Variants in CREB5 observed in about 807,000 individuals in gnomAD.
CREB5 encodes cAMP responsive element binding protein 5.
Under a neutral mutation model 57.1 loss-of-function variants are expected in CREB5, and 19 were observed. The observed-to-expected ratio is 0.33, with a 90% CI of 0.23 to 0.49. CREB5 has a LOEUF of 0.49. CREB5 is among the 20% of genes least tolerant of loss of function. CREB5 has a pLI of 0.99. For synonymous variants in CREB5, 238 were observed against 238.3 expected (o/e 1.00, Z 0.01); for missense variants, 579 against 671.6 (o/e 0.86, Z 1.52).
chr7:28,630,020 C>G (rs1282923549), intron 5 of CREB5, among the ~76,000 whole-genome samples: 2 of 152,184 alleles, frequency 1.3e-5, no homozygotes, highest in Non-Finnish European at 2.9e-5. Context: ...CCAAACAGCC[C>G]TGAGAGGTGG....
chr7:28,510,019 G>A (rs1792637900), intron 4 of CREB5, among the ~76,000 whole-genome samples: 1 of 152,210 alleles, frequency 6.6e-6, no homozygotes, highest in Non-Finnish European at 1.5e-5. Flanking sequence ...TGTCTTGAGG[G>A]CTAAACCACA....
At chr7:28,387,028 C>T (rs1421997081) in intron 1 of CREB5, among the ~76,000 whole-genome samples, 1 of 152,132 alleles carries the variant, frequency 6.6e-6, no homozygotes. Context: ...AATAGTGCTG[C>T]AGTGAATATA....
intron 5 of CREB5, among the ~76,000 whole-genome samples, chr7:28,712,202 T>C (rs1157921912): frequency 3.3e-5 from 5 of 152,152 alleles, no homozygotes; most frequent in African/African-American, 1.2e-4. Context: ...CTGTTTAACC[T>C]TCTACTTGAT....
intron 5 of CREB5, among the ~76,000 whole-genome samples, chr7:28,717,235 T>A (rs1802743737): frequency 1.3e-5 from 2 of 151,932 alleles, no homozygotes; most frequent in Non-Finnish European, 2.9e-5. Flanking sequence ...ATTTTTGTGT[T>A]TTTAATAGAG....
chr7:28,457,916 A>C (rs988667487), intron 1 of CREB5, among the ~76,000 whole-genome samples: 2 of 152,164 alleles, frequency 1.3e-5, no homozygotes, highest in Non-Finnish European at 2.9e-5. Context: ...GTGTACAAAC[A>C]GGCAGGCATA....
At chr7:28,410,942 C>T (rs1445212090), upstream of CREB5, among the ~76,000 whole-genome samples, 1 of 152,122 alleles carries the variant, frequency 6.6e-6, no homozygotes. Context: ...TCCACCACTC[C>T]CCCGTCTACA....
chr7:28,796,672 C>T (rs1483967280), intron 7 of CREB5, among the ~76,000 whole-genome samples: 1 of 152,188 alleles, frequency 6.6e-6, no homozygotes, highest in Non-Finnish European at 1.5e-5. Flanking sequence ...GATAACTTTT[C>T]TTTCTTTGTT....
At chr7:28,811,824 T>A (rs898351271) in intron 9 of CREB5, among the ~76,000 whole-genome samples, 1 of 152,196 alleles carries the variant, frequency 6.6e-6, no homozygotes, top group African/African-American at 2.4e-5. Context: ...TAAATAAAAG[T>A]TCTTGTATAT....
chr7:28,375,554 G>A (rs1786806274), intron 1 of CREB5, among the ~76,000 whole-genome samples: 1 of 151,676 alleles, frequency 6.6e-6, no homozygotes, highest in African/African-American at 2.4e-5. Context: ...TGAGGGGATG[G>A]GTACCCCATT....
At chr7:28,797,480 C>T (rs1156236704) in intron 7 of CREB5, among the ~76,000 whole-genome samples, 1 of 152,148 alleles carries the variant, frequency 6.6e-6, no homozygotes, top group Non-Finnish European at 1.5e-5. Context: ...CCTTTTCCTC[C>T]TGGGTAATGT....
intron 7 of CREB5, among the ~76,000 whole-genome samples, chr7:28,755,745 G>A (rs1334327958): frequency 6.6e-6 from 1 of 152,182 alleles, no homozygotes; most frequent in Admixed American, 6.5e-5. Context: ...GCTGATGGCT[G>A]CTGAACATTG....
chr7:28,631,246 C>A (rs1046408197), intron 5 of CREB5, among the ~76,000 whole-genome samples: 2 of 152,170 alleles, frequency 1.3e-5, no homozygotes, highest in Admixed American at 6.5e-5. Flanking sequence ...AACTGGGATA[C>A]TCTGTAGCAC....
chr7:28,465,983 T>C (rs770770927), intron 1 of CREB5, among the ~76,000 whole-genome samples: 10 of 152,132 alleles, frequency 6.6e-5, no homozygotes, highest in Non-Finnish European at 1.5e-4. Context: ...TCACAGGATC[T>C]GTAGCACCTC....
intron 5 of CREB5, among the ~76,000 whole-genome samples, chr7:28,598,054 G>T (rs925533591): frequency 2.6e-5 from 4 of 152,120 alleles, no homozygotes; most frequent in African/African-American, 9.7e-5. Flanking sequence ...CATGTGATAT[G>T]GTTTGGCTGT....
chr7:28,534,523 C>T (rs963016267), intron 4 of CREB5, among the ~76,000 whole-genome samples: 2 of 152,216 alleles, frequency 1.3e-5, no homozygotes, highest in African/African-American at 4.8e-5. Context: ...TATTACTGAG[C>T]AAGATGACAA....
intron 5 of CREB5, among the ~76,000 whole-genome samples, chr7:28,642,736 C>T (rs1798705855): frequency 6.6e-6 from 1 of 152,090 alleles, no homozygotes; most frequent in Admixed American, 6.6e-5. Context: ...CATCTCAGTT[C>T]TGTTAACAAA....
chr7:28,763,793 A>ATATTAT (rs550127685), intron 7 of CREB5, among the ~76,000 whole-genome samples: 1 of 134,236 alleles, frequency 7.4e-6, no homozygotes, highest in African/African-American at 2.9e-5. Flanking sequence ...CGCTGTGGGG[A>ATATTAT]TATTATTATT....
intron 1 of CREB5, among the ~76,000 whole-genome samples, chr7:28,340,248 C>T (rs1300664346): frequency 6.6e-6 from 1 of 152,192 alleles, no homozygotes; most frequent in Non-Finnish European, 1.5e-5. Context: ...TGTTCTGGGT[C>T]ACACCTAAAG....
Position 28,614,436 on chromosome 7 carries a change from G to T in CREB5, c.464+43899G>T, listed in dbSNP as rs556791056. Among the ~76,000 whole-genome samples the T allele has an allele frequency of 2.0e-5, 3 of 152,248 alleles. No homozygotes were observed. The South Asian group carries it at 6.2e-4, about 32-fold the overall frequency. Reference sequence around the variant, plus strand: ...CCATTGTCACTTATAACATGGATGAGACCAAGACTAAGTGAGACTATGCTC... The same window carrying T: ...CCATTGTCACTTATAACATGGATGATACCAAGACTAAGTGAGACTATGCTC... On this transcript the variant is annotated intron_variant, in intron 5 of 10. Coordinates refer to ENST00000357727, the MANE Select transcript of CREB5 (RefSeq NM_182898.4).
Sources: allele counts gnomAD v4.1 joint callset (sites outside exome capture counted in the v4.1 genomes callset), GRCh38; gene constraint gnomAD v4.1.1; transcripts MANE v1.5; gene names NCBI Gene and HGNC (gene_info 2026-07-23, HGNC 2026-07-21).